The following MIER1 variants were observed in gnomAD, a reference collection of about 807,000 sequenced individuals.
MIER1 encodes MIER1 transcriptional regulator.
MIER1 carries 40 observed loss-of-function variants against 75.7 expected under a neutral mutation model. The observed-to-expected ratio is 0.53, with a 90% confidence interval of 0.41 to 0.69. MIER1 has a LOEUF of 0.69. Ranked by LOEUF, MIER1 falls within the 30% of genes least tolerant of loss-of-function variation. The pLI is 0.00. For synonymous variants in MIER1, 213 were observed against 223.4 expected, an observed-to-expected ratio of 0.95 and a Z score of 0.42; for missense variants, 574 against 680.2, an observed-to-expected ratio of 0.84 and a Z score of 1.74.
chr1:66,962,997 C>A, intron 7 of MIER1, 91 bp from the exon 8 acceptor site: 2 of 838,346 alleles, frequency 2.4e-6, no homozygotes, highest in Non-Finnish European at 3.8e-6. Flanking sequence ...ACAGAGAAAC[C>A]AGGAACAGTT....
intron 2 of MIER1, among the ~76,000 whole-genome samples, chr1:66,926,514 A>G (rs545940574): frequency 1.1e-4 from 16 of 152,356 alleles, no homozygotes; most frequent in South Asian, 2.1e-4. Flanking sequence ...AAAAGCCTAT[A>G]TAAGTGTTTT....
chr1:66,925,359 C>T, intron 1 of MIER1: 1 of 985,452 alleles, frequency 1.0e-6, no homozygotes, highest in Non-Finnish European at 1.2e-6. Flanking sequence ...GGTGGTGGCG[C>T]CGCGCTGGGA....
At chr1:66,948,023 A>T in intron 4 of MIER1, 1 of 980,790 alleles carries the variant, frequency 1.0e-6, no homozygotes. Context: ...TTTTTTAACC[A>T]CTGTCCCCTA....
Position 66,925,094 on chromosome 1 carries a change from C to T in MIER1, c.66C>T (p.Gly22=). Residue 22 remains glycine, a splice_region_variant and synonymous_variant, in exon 1 of 14, where the codon GGC becomes GGT. Coordinates refer to ENST00000401041, the MANE Select transcript of MIER1 (RefSeq NM_001077700.3). The part of the protein sequence containing the change: ...SEGGGGSSGS[G]YGVVARFSQC... The stretch of plus-strand genomic sequence containing the variant: ...GTGGCGGCGGCAGCAGCGGCAGCGG[C>T]TGTAAGTGCAGCCTCCACAAGCCAT... 3 of 1,547,990 alleles carry T rather than the reference C, an allele frequency of 1.9e-6. No individual in the cohort carries two copies. The highest frequency in any genetic ancestry group is 2.6e-6 in the Non-Finnish European group (3 of 1,146,022).
Position 66,973,008 on chromosome 1 carries a change from T to C in MIER1, c.1101+17T>C. On this transcript the variant is annotated intron_variant, in intron 11 of 13. Coordinates refer to ENST00000401041, the MANE Select transcript of MIER1 (RefSeq NM_001077700.3). Reference sequence around the variant, plus strand: ...GCTAATAAAGTAAGTAATGATAATCTCTTTTTTGCAAAAAGAAATTTAGTT... The same window carrying C: ...GCTAATAAAGTAAGTAATGATAATCCCTTTTTTGCAAAAAGAAATTTAGTT... 1 of 1,451,282 alleles carries C rather than the reference T, an allele frequency of 6.9e-7. No homozygotes were observed. The highest frequency in any genetic ancestry group is 9.7e-7 in the Non-Finnish European group (1 of 1,035,864). The allele number at this position is 1,451,282 out of a possible 1,614,324, so 89.9% of individuals were successfully genotyped here.
chr1:66,973,568 TG>T (rs1269661167), intron 11 of MIER1, among the ~76,000 whole-genome samples: 13 of 152,112 alleles, frequency 8.5e-5, no homozygotes, highest in Non-Finnish European at 1.5e-4. Context: ...ATATCAGTCA[TG>T]TAATTTATAC....
chr1:66,955,180 T>G (rs1659837552), intron 4 of MIER1, among the ~76,000 whole-genome samples: 1 of 152,168 alleles, frequency 6.6e-6, no homozygotes, highest in Non-Finnish European at 1.5e-5. Context: ...ATATTTGAGC[T>G]GGATATCATA....
At chr1:66,930,163 G>T in intron 2 of MIER1, 1 of 1,250,146 alleles carries the variant, frequency 8.0e-7, no homozygotes, top group African/African-American at 1.6e-5. Context: ...TCCGGCGCGT[G>T]CTCGCTGGTC....
Position 66,946,074 on chromosome 1 carries a change from A to T in MIER1, c.194-76A>T. 5 of 1,352,246 alleles carry T rather than the reference A, an allele frequency of 3.7e-6. No homozygotes were observed. The African/African-American group carries it at 6.1e-5, about 16-fold the overall frequency. 83.8% of individuals were successfully genotyped at this position (1,352,246 alleles called of 1,614,324 possible). ...ACTTTTGACTTACATCCAGCATCAA[A>T]TAAAAATATATACATTAATATTAAT... On this transcript the variant is annotated intron_variant, in intron 3 of 13. Transcript: ENST00000401041.
intron 4 of MIER1, among the ~76,000 whole-genome samples, chr1:66,953,601 T>C (rs1220892810): frequency 6.7e-6 from 1 of 148,854 alleles, no homozygotes; most frequent in African/African-American, 2.6e-5. Context: ...TTTTCCTTTT[T>C]TTTTTTTTTT....
At chr1:66,972,244 A>ATATATATATATATATATACAC (rs1663822023) in intron 10 of MIER1, among the ~76,000 whole-genome samples, 1 of 64,424 alleles carries the variant, frequency 1.6e-5, no homozygotes, top group Non-Finnish European at 3.1e-5. Context: ...ACATATATAT[A>ATATATATATATATATATACAC]TATATATATA....
rs191540051 is a variant in MIER1, at chr1:66,926,188, G to A, written c.114G>A (p.Thr38=). The A allele has an allele frequency of 8.4e-5, 135 of 1,613,928 alleles. No individual in the cohort carries two copies. The African/African-American group carries it at 1.7e-3, about 20-fold the overall frequency. The change falls in exon 2 of 14, where the codon ACG becomes ACA. Residue 38 remains threonine (T), a synonymous_variant. Coordinates refer to ENST00000401041, the MANE Select transcript of MIER1 (RefSeq NM_001077700.3). ...CCCAGTGCCTGGCTGAGTTTCGGAC[G>A]TGGTTAAGAACCAACTGGTTGAGGT... is the stretch of plus-strand genomic sequence containing the variant. ...RFSQCLAEFR[T]WLRTNWLRFN...
intron 2 of MIER1, among the ~76,000 whole-genome samples, chr1:66,938,667 A>G (rs1228109239): frequency 2.0e-5 from 3 of 152,152 alleles, no homozygotes; most frequent in Non-Finnish European, 2.9e-5. Flanking sequence ...CAAGCTTCCC[A>G]TTAGAGGAAT....
intron 2 of MIER1, chr1:66,930,415 TC>T: frequency 1.9e-6 from 3 of 1,604,684 alleles, no homozygotes; most frequent in Non-Finnish European, 2.5e-6. Context: ...GGGAGCGAGC[TC>T]CCCCTCCCTG....
chr1:66,946,105 C>G, intron 3 of MIER1, 45 bp from the exon 4 acceptor site: 1 of 1,542,400 alleles, frequency 6.5e-7, no homozygotes, highest in Non-Finnish European at 8.7e-7. Flanking sequence ...TTAATAAGAT[C>G]CACTTAATTT....
In MIER1 at chr1:66,987,534, TTAAA is replaced by T. The variant is rs1666933456; in HGVS notation, c.*2637_*2640del. Reference sequence around the variant, plus strand: ...CTTTAAAATGTATTTGAAGTAATATTTAAATAGGCATTTAAAATTTCAAATTAGA... The same window carrying T: ...CTTTAAAATGTATTTGAAGTAATATTTAGGCATTTAAAATTTCAAATTAGA... On this transcript the variant is annotated 3_prime_UTR_variant, in exon 14 of 14. Coordinates refer to ENST00000401041, the MANE Select transcript of MIER1 (RefSeq NM_001077700.3). 1 of 152,698 alleles carries T rather than the reference TTAAA, an allele frequency of 6.5e-6. No individual in the cohort carries two copies. Among genetic ancestry groups the T allele is most frequent in the African/African-American group, 2.4e-5 (1 of 41,458 alleles). 9.5% of individuals were successfully genotyped at this position (152,698 alleles called of 1,614,324 possible). A position where few individuals can be genotyped will look rare whatever the true frequency, so the allele number is the denominator to read the frequency against.
intron 2 of MIER1, among the ~76,000 whole-genome samples, chr1:66,936,695 A>G (rs1654929138): frequency 6.6e-6 from 1 of 152,002 alleles, no homozygotes; most frequent in African/African-American, 2.4e-5. Flanking sequence ...CTTTGAACTG[A>G]TGAAAATCAT....
intron 12 of MIER1, among the ~76,000 whole-genome samples, chr1:66,977,604 TA>T (rs1175553826): frequency 2.0e-5 from 3 of 152,194 alleles, no homozygotes; most frequent in Non-Finnish European, 4.4e-5. Context: ...ATTCCCATGT[TA>T]AGAGAATTTA....
intron 12 of MIER1, among the ~76,000 whole-genome samples, chr1:66,978,056 T>A (rs1665086725): frequency 6.6e-6 from 1 of 151,778 alleles, no homozygotes; most frequent in African/African-American, 2.4e-5. Flanking sequence ...AATTAGCTGA[T>A]GTGGTGGTGC....
Sources: allele counts gnomAD v4.1 joint callset (sites outside exome capture counted in the v4.1 genomes callset), GRCh38; gene constraint gnomAD v4.1.1; transcripts MANE v1.5; gene names NCBI Gene and HGNC (gene_info 2026-07-23, HGNC 2026-07-21).